KIF3C: variants seen among roughly 807,000 people sequenced by gnomAD.
KIF3C encodes the protein kinesin-like protein KIF3C.
Under a neutral mutation model 67.7 loss-of-function variants are expected in KIF3C, and 12 were observed. The observed-to-expected ratio is 0.18, with a 90% CI of 0.11 to 0.29. The LOEUF (loss-of-function observed/expected upper bound fraction) is 0.29. Ranked by LOEUF, KIF3C falls within the 10% of genes least tolerant of loss-of-function variation. The probability of loss-of-function intolerance (pLI) is 1.00; values close to 1 mark genes in which losing one functional copy is unlikely to be tolerated. For missense variants in KIF3C, 789 were observed against 1,059.6 expected, an observed-to-expected ratio of 0.74 and a Z score of 3.55; for synonymous variants, 393 against 426.2, an observed-to-expected ratio of 0.92 and a Z score of 0.96.
At position 25,981,115 on chromosome 2, in the gene KIF3C, G is replaced by T; in HGVS notation, c.803C>A (p.Ser268Tyr). ...PNTAGGAATP[S>Y]SGGGGGGGGS... is the part of the protein sequence containing the mutation. ...TCCACCGCCACCACCGCCACCCGAG[G>T]ATGGTGTGGCTGCCCCTCCCGCTGT... is the stretch of plus-strand genomic sequence containing the variant. The change falls in exon 1 of 8, where the codon TCC becomes TAC. Residue 268 changes from serine (S) to tyrosine (Y), a missense_variant. Physicochemically the swap from Ser to Tyr is moderately radical, Grantham distance 144 (BLOSUM62 -2). Transcript: ENST00000264712. The surrounding 1 kb of genome is among the most constrained non-coding windows in gnomAD (Gnocchi z 8.2). 2 of 1,614,190 alleles carry T rather than the reference G, an allele frequency of 1.2e-6. No homozygotes were observed. The highest frequency in any genetic ancestry group is 1.7e-6 in the Non-Finnish European group (2 of 1,180,026).
intron 4 of KIF3C, among the ~76,000 whole-genome samples, chr2:25,953,669 T>G (rs1388036347): frequency 1.8e-5 from 2 of 113,960 alleles, no homozygotes; most frequent in African/African-American, 7.3e-5. Flanking sequence ...CTTTTTTGTT[T>G]TTGTTTTTTT....
chr2:25,977,833 G>A (rs558675910), intron 1 of KIF3C, among the ~76,000 whole-genome samples: 2 of 152,250 alleles, frequency 1.3e-5, no homozygotes, highest in East Asian at 1.9e-4. Context: ...TGAACCAGGC[G>A]GTGCCTTGGG....
chr2:25,976,162 C>T (rs1559558864), intron 1 of KIF3C, among the ~76,000 whole-genome samples: 2 of 152,134 alleles, frequency 1.3e-5, no homozygotes, highest in African/African-American at 4.8e-5. Context: ...TGGGAGAAAG[C>T]AGGACCCACA....
chr2:25,967,516 A>G (rs527925014), intron 1 of KIF3C, among the ~76,000 whole-genome samples: 1 of 152,350 alleles, frequency 6.6e-6, no homozygotes, highest in Admixed American at 6.5e-5. Context: ...GGGTAAGAAC[A>G]GCAAGTTGGG....
intron 5 of KIF3C, among the ~76,000 whole-genome samples, chr2:25,936,136 T>C (rs1663119730): frequency 6.6e-6 from 1 of 151,990 alleles, no homozygotes; most frequent in African/African-American, 2.4e-5. Flanking sequence ...TGTGTGGCTC[T>C]ACATACATGC....
intron 5 of KIF3C, among the ~76,000 whole-genome samples, chr2:25,935,750 TC>T (rs1663080232): frequency 6.6e-6 from 1 of 152,044 alleles, no homozygotes; most frequent in African/African-American, 2.4e-5. Flanking sequence ...TACTATTCAG[TC>T]CTATGAAGGA....
chr2:25,959,411 G>GT, intron 1 of KIF3C, among the ~76,000 whole-genome samples: 1 of 152,226 alleles, frequency 6.6e-6, no homozygotes, highest in Non-Finnish European at 1.5e-5. Flanking sequence ...TGCTCAATAC[G>GT]TATTTGATGA....
chr2:25,954,099 G>A (rs1663732566), intron 4 of KIF3C, 168 bp downstream of exon 4: 1 of 660,688 alleles, frequency 1.5e-6, no homozygotes, highest in Non-Finnish European at 2.7e-6. Flanking sequence ...GGCAGAGGAG[G>A]TAGAAGAAAC....
At position 25,980,651 on chromosome 2, in the gene KIF3C, C is replaced by G; in HGVS notation, c.1267G>C (p.Glu423Gln). The change falls in exon 1 of 8, where the codon GAG becomes CAG. Residue 423 changes from glutamate to glutamine, a missense_variant. Physicochemically the swap from Glu to Gln is conservative, Grantham distance 29 (BLOSUM62 2). This residue lies in a region of KIF3C where 648 missense variants were observed against 807.8 expected (regional missense o/e 0.80). Transcript: ENST00000264712. This position sits in a 1 kb window ranked among gnomAD's most constrained non-coding sequence, Gnocchi z 7.6. ...ACCCAGGCCTCAATCACTGGGCCCT[C>G]AGGGTACCCAGGCGGGGCGGACACG... is the stretch of plus-strand genomic sequence containing the variant. ...KAVSAPPGYPEGPVIEAWVAE... is the reference protein window; with the variant it reads ...KAVSAPPGYPQGPVIEAWVAE... 6.2e-7 allele frequency: 1 copy of G among 1,614,070 alleles called. No individual in the cohort carries two copies. The highest frequency in any genetic ancestry group is 8.5e-7 in the Non-Finnish European group (1 of 1,180,038).
intron 5 of KIF3C, among the ~76,000 whole-genome samples, chr2:25,949,799 G>A (rs191492178): frequency 3.8e-4 from 58 of 151,114 alleles, no homozygotes; most frequent in African/African-American, 1.4e-3. Flanking sequence ...GTGAAACCCC[G>A]TCTCTACTAA....
At chr2:25,940,443 T>C (rs900868300) in intron 5 of KIF3C, among the ~76,000 whole-genome samples, 9 of 151,628 alleles carry the variant, frequency 5.9e-5, no homozygotes, top group African/African-American at 1.7e-4. Context: ...TGGTGGCGTA[T>C]GCCTGTAATC....
At chr2:25,975,074 C>G (rs76039789) in intron 1 of KIF3C, among the ~76,000 whole-genome samples, 20,226 of 150,890 alleles carry the variant, frequency 0.13, 1,901 homozygotes, top group African/African-American at 0.26. Context: ...TCTCGGGCTT[C>G]TTTCTAAACT....
chr2:25,952,561 A>ATTTT (rs1255505644), intron 4 of KIF3C, among the ~76,000 whole-genome samples: 1 of 86,176 alleles, frequency 1.2e-5, no homozygotes, highest in African/African-American at 4.7e-5. Context: ...ATATATATAT[A>ATTTT]TATTTTTTTT....
chr2:25,934,932 A>T (rs1006795384), intron 5 of KIF3C, among the ~76,000 whole-genome samples: 3 of 151,390 alleles, frequency 2.0e-5, no homozygotes, highest in Admixed American at 6.6e-5. Flanking sequence ...CGAAGATCCC[A>T]GCTCTAATTT....
In KIF3C at chr2:25,932,552, G is replaced by A. The variant is rs561317752; in HGVS notation, c.2007-2489C>T. Reference sequence around the variant, plus strand: ...TCAGTTTCAAAACTTATTACAAAGCGCCAGGTGTGGTGGCTCATGCCTGTA... The same window carrying A: ...TCAGTTTCAAAACTTATTACAAAGCACCAGGTGTGGTGGCTCATGCCTGTA... On this transcript the variant is annotated intron_variant, in intron 5 of 7. Transcript: ENST00000264712. 2.6e-5 allele frequency among the ~76,000 whole-genome samples: 4 copies of A among 151,720 alleles called. No homozygotes were observed. The East Asian group carries it at 5.8e-4, about 22-fold the overall frequency.
intron 1 of KIF3C, among the ~76,000 whole-genome samples, chr2:25,972,343 T>C (rs1187302915): frequency 6.6e-6 from 1 of 152,152 alleles, no homozygotes; most frequent in Non-Finnish European, 1.5e-5. Flanking sequence ...CAGAATCTCA[T>C]ATGGAAATCC....
At chr2:25,934,186 A>G (rs1011909660) in intron 5 of KIF3C, 2 of 470,868 alleles carry the variant, frequency 4.2e-6, no homozygotes, top group African/African-American at 4.0e-5. Flanking sequence ...AGAAACAGAA[A>G]GTAGATTGGC....
Position 25,981,643 on chromosome 2 carries a change from G to A in KIF3C, c.275C>T (p.Thr92Met), listed in dbSNP as rs1291602087. 3.1e-6 allele frequency: 5 copies of A among 1,614,032 alleles called. No individual in the cohort carries two copies. The highest frequency in any genetic ancestry group is 4.2e-6 in the Non-Finnish European group (5 of 1,180,042). Reference protein sequence around the residue: ...IDSVLQGFNGTVFAYGQTGTG... With the variant: ...IDSVLQGFNGMVFAYGQTGTG... The stretch of plus-strand genomic sequence containing the variant: ...GCCCGTCTGGCCATAGGCAAACACC[G>A]TGCCATTGAAACCCTGGAGCACGGA... The change falls in exon 1 of 8, where the codon ACG becomes ATG. Residue 92 changes from threonine to methionine, a missense_variant. By Grantham distance (81) the Thr-to-Met change is moderately conservative (BLOSUM62 -1). This residue lies in a region of KIF3C where 141 missense variants were observed against 251.8 expected (regional missense o/e 0.56). Coordinates refer to ENST00000264712, the MANE Select transcript of KIF3C (RefSeq NM_002254.8). This position sits in a 1 kb window ranked among gnomAD's most constrained non-coding sequence, Gnocchi z 8.2.
At chr2:25,948,404 T>C (rs1355396751) in intron 5 of KIF3C, among the ~76,000 whole-genome samples, 1 of 147,608 alleles carries the variant, frequency 6.8e-6, no homozygotes, top group African/African-American at 2.5e-5. Context: ...GATAAAAAAT[T>C]TAGCTGGTGT....
Sources: allele counts gnomAD v4.1 joint callset (sites outside exome capture counted in the v4.1 genomes callset), GRCh38; gene constraint gnomAD v4.1.1; regional missense constraint gnomAD v4.1.1; non-coding constraint Gnocchi (gnomAD v3.1); transcripts MANE v1.5; gene names NCBI Gene and HGNC (gene_info 2026-07-23, HGNC 2026-07-21).